SLCO3A1: variants seen among roughly 807,000 people sequenced by gnomAD.
The protein encoded by SLCO3A1 is solute carrier organic anion transporter family member 3A1.
SLCO3A1 carries 27 observed loss-of-function variants against 63.1 expected under a neutral mutation model. That is an observed-to-expected ratio of 0.43 (90% CI 0.32 to 0.59). SLCO3A1 has a LOEUF of 0.59. Ranked by LOEUF, SLCO3A1 falls within the 20% of genes least tolerant of loss-of-function variation. The pLI, the probability that SLCO3A1 is intolerant of heterozygous loss-of-function variation, is 0.09. For synonymous variants in SLCO3A1, 473 were observed against 409.9 expected (o/e 1.15, Z -1.86); for missense variants, 773 against 945.8 (o/e 0.82, Z 2.40).
chr15:91,965,459 G>A (rs1436800804), intron 2 of SLCO3A1, among the ~76,000 whole-genome samples: 1 of 152,162 alleles, frequency 6.6e-6, no homozygotes, highest in Non-Finnish European at 1.5e-5. Context: ...AATCTCATTT[G>A]GGCCTCTGAG....
chr15:92,157,203 T>C (rs924569098), intron 9 of SLCO3A1: 1 of 152,186 alleles, frequency 6.6e-6, no homozygotes, highest in Non-Finnish European at 1.5e-5. Context: ...TGGAACCCTA[T>C]TAACACCTGC....
chr15:91,926,599 G>GCGCGCC, intron 2 of SLCO3A1, among the ~76,000 whole-genome samples: 2 of 145,748 alleles, frequency 1.4e-5, no homozygotes, highest in South Asian at 2.2e-4. Flanking sequence ...GTGTGTGTGC[G>GCGCGCC]CGCGCGCACG....
At chr15:91,889,568 G>A (rs1897819672) in intron 1 of SLCO3A1, among the ~76,000 whole-genome samples, 1 of 152,232 alleles carries the variant, frequency 6.6e-6, no homozygotes, top group South Asian at 2.1e-4. Flanking sequence ...TTCGCTTAGT[G>A]TCATATATAG....
intron 2 of SLCO3A1, among the ~76,000 whole-genome samples, chr15:91,981,083 C>G (rs1013228138): frequency 6.6e-6 from 1 of 152,206 alleles, no homozygotes; most frequent in Non-Finnish European, 1.5e-5. Flanking sequence ...TTGCCTCCCC[C>G]TTAGGGAGAG....
chr15:92,130,280 T>C (rs1487916827), intron 7 of SLCO3A1, among the ~76,000 whole-genome samples: 3 of 152,268 alleles, frequency 2.0e-5, no homozygotes, highest in Non-Finnish European at 4.4e-5. Flanking sequence ...AGCTGGAGAA[T>C]GCAGTTATCA....
At chr15:92,142,676 G>A (rs547262618) in intron 7 of SLCO3A1, among the ~76,000 whole-genome samples, 2 of 152,110 alleles carry the variant, frequency 1.3e-5, no homozygotes, top group East Asian at 1.9e-4. Flanking sequence ...CTGTCTGCTC[G>A]CCTCATTAAC....
intron 2 of SLCO3A1, among the ~76,000 whole-genome samples, chr15:91,924,816 A>C (rs1234894270): frequency 1.3e-5 from 2 of 152,248 alleles, no homozygotes; most frequent in Non-Finnish European, 2.9e-5. Context: ...AGCACGGTTC[A>C]AGGTTCCCCG....
intron 7 of SLCO3A1, among the ~76,000 whole-genome samples, chr15:92,130,717 C>T (rs1053818021): frequency 6.6e-5 from 10 of 152,058 alleles, no homozygotes; most frequent in Non-Finnish European, 1.2e-4. Context: ...GGCCCAGAGT[C>T]AGAGAAATCT....
intron 2 of SLCO3A1, among the ~76,000 whole-genome samples, chr15:92,071,028 G>A (rs2047209498): frequency 6.6e-6 from 1 of 152,178 alleles, no homozygotes; most frequent in African/African-American, 2.4e-5. Context: ...GCAATCATAT[G>A]AGAGGGAAAA....
intron 2 of SLCO3A1, among the ~76,000 whole-genome samples, chr15:92,039,338 A>T (rs1196586051): frequency 6.6e-6 from 1 of 152,178 alleles, no homozygotes; most frequent in African/African-American, 2.4e-5. Context: ...TCTGACAAAG[A>T]TCTGATATCC....
At chr15:92,015,557 C>A (rs948321115) in intron 2 of SLCO3A1, among the ~76,000 whole-genome samples, 14 of 152,092 alleles carry the variant, frequency 9.2e-5, no homozygotes, top group African/African-American at 3.4e-4. Context: ...GATTACATTT[C>A]AAGATGAGAT....
chr15:92,061,736 A>T (rs951025320), intron 2 of SLCO3A1, among the ~76,000 whole-genome samples: 8 of 152,322 alleles, frequency 5.3e-5, no homozygotes, highest in Admixed American at 5.2e-4. Flanking sequence ...GCATGCTAGC[A>T]AAACAGGCCA....
intron 1 of SLCO3A1, among the ~76,000 whole-genome samples, chr15:91,896,081 T>G (rs1267191612): frequency 6.6e-6 from 1 of 152,222 alleles, no homozygotes; most frequent in Non-Finnish European, 1.5e-5. Flanking sequence ...TTTGTTTCTC[T>G]TCCATTTTCG....
intron 2 of SLCO3A1, among the ~76,000 whole-genome samples, chr15:92,041,613 ATATATG>A (rs879915787): frequency 6.6e-6 from 1 of 152,198 alleles, no homozygotes. Flanking sequence ...GTTTCACTGA[ATATATG>A]TGCATATGTG....
chr15:91,992,372 C>G (rs12439765), intron 2 of SLCO3A1, among the ~76,000 whole-genome samples: 38,302 of 152,076 alleles, frequency 0.25, 5,086 homozygotes, highest in East Asian at 0.34. Flanking sequence ...TGGGAAGCAG[C>G]GTTCTAGAGT....
At chr15:92,146,793 C>G (rs1000821247) in intron 7 of SLCO3A1, among the ~76,000 whole-genome samples, 191 bp from the exon 8 acceptor site, 2 of 151,854 alleles carry the variant, frequency 1.3e-5, no homozygotes, top group Admixed American at 6.6e-5. Flanking sequence ...CTCTCCTCCC[C>G]GTAAATATTC....
At chr15:92,067,392 T>A (rs544171699) in intron 2 of SLCO3A1, among the ~76,000 whole-genome samples, 2 of 149,628 alleles carry the variant, frequency 1.3e-5, no homozygotes, top group Non-Finnish European at 3.0e-5. Flanking sequence ...GTAGCCTACA[T>A]CCCCGAGGGA....
intron 1 of SLCO3A1, among the ~76,000 whole-genome samples, chr15:91,890,862 G>A (rs558050519): frequency 2.6e-5 from 4 of 152,290 alleles, no homozygotes; most frequent in East Asian, 1.9e-4. Flanking sequence ...GCCAGACTGC[G>A]AGGCTCAGAA....
intron 2 of SLCO3A1, among the ~76,000 whole-genome samples, chr15:91,990,239 T>C (rs2046109670): frequency 6.6e-6 from 1 of 152,214 alleles, no homozygotes; most frequent in Admixed American, 6.5e-5. Context: ...GCTAGAGTTT[T>C]GTGAAATTGC....
Sources: allele counts gnomAD v4.1 joint callset (sites outside exome capture counted in the v4.1 genomes callset), GRCh38; gene constraint gnomAD v4.1.1; transcripts MANE v1.5; gene names NCBI Gene and HGNC (gene_info 2026-07-23, HGNC 2026-07-21).